Variants in SCTR observed in about 807,000 individuals in gnomAD.
SCTR encodes pancreatic secretin receptor.
A neutral mutation model predicts 60.8 loss-of-function variants in SCTR; 56 were observed. The ratio of observed to expected loss-of-function variants is 0.92; its 90% CI spans 0.74 to 1.15. The LOEUF is 1.15. Among genes scored for constraint, SCTR ranks in the 50% most tolerant of loss-of-function variants. The pLI, the probability that SCTR is intolerant of heterozygous loss-of-function variation, is 0.00. For missense variants in SCTR, 562 were observed against 550.4 expected (o/e 1.02, Z -0.21); for synonymous variants, 202 against 217.0 (o/e 0.93, Z 0.61).
intron 3 of SCTR, among the ~76,000 whole-genome samples, chr2:119,475,624 G>A (rs1677243045): frequency 2.9e-5 from 4 of 139,584 alleles, no homozygotes; most frequent in South Asian, 2.2e-4. Flanking sequence ...ATATATAGAT[G>A]TAGATATTTA....
intron 1 of SCTR, among the ~76,000 whole-genome samples, chr2:119,521,463 A>C (rs1212893268): frequency 6.6e-6 from 1 of 152,054 alleles, no homozygotes; most frequent in Non-Finnish European, 1.5e-5. Context: ...GGTTTGGGGG[A>C]CAGATGTGTT....
intron 8 of SCTR, 113 bp downstream of exon 8, chr2:119,453,174 C>T (rs1258678962): frequency 6.3e-6 from 5 of 796,418 alleles, no homozygotes; most frequent in African/African-American, 5.1e-5. Flanking sequence ...TCATCTGTGG[C>T]CTCTACTTTG....
intron 4 of SCTR, among the ~76,000 whole-genome samples, chr2:119,472,394 T>A (rs2579637): frequency 6.6e-6 from 1 of 152,022 alleles, no homozygotes; most frequent in Non-Finnish European, 1.5e-5. Flanking sequence ...AAGGCCCAGG[T>A]GGGAGGCAGG....
rs1175479864 is a variant in SCTR at position 119,444,350 on chromosome 2, C to T, written c.1140+2409G>A. On this transcript the variant is annotated intron_variant, in intron 11 of 12. Transcript: ENST00000019103. ...GTATGAATATATATACACATATATA[C>T]GTATGAATATATATACACATATATA... Among the ~76,000 whole-genome samples, 3 of 146,602 alleles carry T rather than the reference C, an allele frequency of 2.0e-5. 1 individual carries two copies. The East Asian group carries it at 5.9e-4, about 29-fold the overall frequency.
In SCTR at chr2:119,487,530, C is replaced by T. The variant is rs148410504; in HGVS notation, c.193+6898G>A. ...AGGACACATGCCCAGGTCTGTCTGACTGTCAAGCCCACACCTTTCCTGTCA... is the reference window on the plus strand; with the variant it reads ...AGGACACATGCCCAGGTCTGTCTGATTGTCAAGCCCACACCTTTCCTGTCA... On this transcript the variant is annotated intron_variant, in intron 2 of 12. Coordinates refer to ENST00000019103, the MANE Select transcript of SCTR (RefSeq NM_002980.3). Among the ~76,000 whole-genome samples, 7 of 152,292 alleles carry T rather than the reference C, an allele frequency of 4.6e-5. No individual in the cohort carries two copies. In the East Asian group the frequency reaches 1.4e-3, roughly 29 times the overall value.
chr2:119,476,082 C>T (rs1677285325), intron 3 of SCTR, among the ~76,000 whole-genome samples: 1 of 152,108 alleles, frequency 6.6e-6, no homozygotes, highest in Admixed American at 6.6e-5. Context: ...TAGTAGGTGC[C>T]CTCAAGGAGA....
intron 4 of SCTR, among the ~76,000 whole-genome samples, chr2:119,471,459 A>G (rs977507893): frequency 2.0e-5 from 3 of 152,126 alleles, no homozygotes; most frequent in Non-Finnish European, 4.4e-5. Flanking sequence ...GTATGTTCCC[A>G]ATGGGATGAC....
At chr2:119,459,092 A>C (rs944896666) in intron 7 of SCTR, among the ~76,000 whole-genome samples, 1 of 152,242 alleles carries the variant, frequency 6.6e-6, no homozygotes, top group South Asian at 2.1e-4. Context: ...GGGATTCTGT[A>C]TTACATACAG....
chr2:119,447,254 A>C (rs1458817791), intron 10 of SCTR, among the ~76,000 whole-genome samples: 1 of 152,150 alleles, frequency 6.6e-6, no homozygotes, highest in African/African-American at 2.4e-5. Context: ...CTAGATAATA[A>C]ATATCTGTAG....
chr2:119,446,953 C>G, intron 10 of SCTR, 68 bp from the exon 11 acceptor site: 1 of 1,334,210 alleles, frequency 7.5e-7, no homozygotes, highest in African/African-American at 1.5e-5. Context: ...TGTAGGCACA[C>G]AGCTGTGCCA....
intron 1 of SCTR, 82 bp downstream of exon 1, chr2:119,524,073 C>G: frequency 9.0e-7 from 1 of 1,107,274 alleles, no homozygotes; most frequent in South Asian, 1.3e-5. Context: ...TCCCTCTCCA[C>G]CTGCATCCTG....
rs144754274 is a variant in SCTR at position 119,503,329 on chromosome 2, G to A, written c.73-8781C>T. ...CACTTGTAATCTCAGCACTTTAGGA[G>A]GCTGAGGCAAGAGGCTTGCTTGAGT... On this transcript the variant is annotated intron_variant, in intron 1 of 12. Transcript: ENST00000019103. Among the ~76,000 whole-genome samples the A allele has an allele frequency of 4.6e-5, 7 of 152,234 alleles. No homozygotes were observed. The East Asian group carries it at 1.4e-3, about 29-fold the overall frequency.
chr2:119,505,211 C>T (rs1678694950), intron 1 of SCTR, among the ~76,000 whole-genome samples: 1 of 151,288 alleles, frequency 6.6e-6, no homozygotes, highest in South Asian at 2.1e-4. Context: ...AATCATGCTG[C>T]TATAAAGACA....
chr2:119,450,784 A>G (rs1429103560), intron 9 of SCTR, among the ~76,000 whole-genome samples: 1 of 152,152 alleles, frequency 6.6e-6, no homozygotes, highest in Non-Finnish European at 1.5e-5. Context: ...AGCCTGGGCA[A>G]CACAGTGAAA....
intron 7 of SCTR, among the ~76,000 whole-genome samples, chr2:119,457,430 G>A (rs1683416758): frequency 6.6e-6 from 1 of 152,172 alleles, no homozygotes; most frequent in Admixed American, 6.5e-5. Context: ...TTATATTCTT[G>A]GTCAGGCGCA....
chr2:119,443,635 C>T (rs1682740441), intron 11 of SCTR, among the ~76,000 whole-genome samples: 1 of 152,132 alleles, frequency 6.6e-6, no homozygotes, highest in Non-Finnish European at 1.5e-5. Flanking sequence ...CAACCTCTGC[C>T]TCCCAGGTTC....
chr2:119,519,521 T>C (rs1280268427), intron 1 of SCTR, among the ~76,000 whole-genome samples: 1 of 151,864 alleles, frequency 6.6e-6, no homozygotes, highest in Non-Finnish European at 1.5e-5. Context: ...CATGTGCTGG[T>C]TAAGAAGCTC....
intron 1 of SCTR, among the ~76,000 whole-genome samples, chr2:119,511,523 T>G (rs1573924889): frequency 6.6e-6 from 1 of 152,218 alleles, no homozygotes; most frequent in East Asian, 1.9e-4. Context: ...ATTGGATTAG[T>G]TTTCCATGTA....
intron 1 of SCTR, among the ~76,000 whole-genome samples, chr2:119,499,513 A>G (rs781187487): frequency 2.0e-5 from 3 of 152,112 alleles, no homozygotes; most frequent in Admixed American, 6.5e-5. Flanking sequence ...ATCATATACA[A>G]TGTGTTCTCT....
Sources: allele counts gnomAD v4.1 joint callset (sites outside exome capture counted in the v4.1 genomes callset), GRCh38; gene constraint gnomAD v4.1.1; transcripts MANE v1.5; gene names NCBI Gene and HGNC (gene_info 2026-07-23, HGNC 2026-07-21).